Variants in PSMD9 observed in about 807,000 individuals in gnomAD.
The protein encoded by PSMD9 is 26S proteasome non-ATPase regulatory subunit 9.
Under a neutral mutation model 25.9 loss-of-function variants are expected in PSMD9, and 26 were observed. That is an observed-to-expected ratio of 1.00 (90% confidence interval 0.73 to 1.39). PSMD9 has a LOEUF of 1.39. PSMD9 is among the 40% of genes most tolerant of loss of function. The pLI, the probability that PSMD9 is intolerant of heterozygous loss-of-function variation, is 0.00. For missense variants in PSMD9, 303 were observed against 299.3 expected (o/e 1.01, Z -0.09); for synonymous variants, 110 against 114.5 (o/e 0.96, Z 0.25).
rs1565891992 is a variant in PSMD9 at position 121,899,671 on chromosome 12, G to A, written c.279G>A (p.Val93=). 6.2e-7 allele frequency: 1 copy of A among 1,612,760 alleles called. No homozygotes were observed. The highest frequency in any genetic ancestry group is 8.5e-7 in the Non-Finnish European group (1 of 1,179,530). ...ATCACAAGGCAGTGATGAAGCAGGTGGAGGAGGCCCTGCACCAGCTGCACG... is the reference window on the plus strand; with the variant it reads ...ATCACAAGGCAGTGATGAAGCAGGTAGAGGAGGCCCTGCACCAGCTGCACG... ...QNDHKAVMKQ[V]EEALHQLHAR... is the part of the protein sequence containing the mutation. Residue 93 remains valine, a synonymous_variant, in exon 3 of 6, where the codon GTG becomes GTA. Coordinates refer to ENST00000541212, the MANE Select transcript of PSMD9 (RefSeq NM_002813.7).
At chr12:121,912,915 C>G (rs1879771499) in intron 4 of PSMD9, among the ~76,000 whole-genome samples, 1 of 149,232 alleles carries the variant, frequency 6.7e-6, no homozygotes, top group African/African-American at 2.4e-5. Flanking sequence ...CTATTCAAGT[C>G]CTTTGCTCAT....
chr12:121,916,376 C>T lies in PSMD9; in HGVS notation c.*65C>T, dbSNP rs557187231. 6.4e-7 allele frequency: 1 copy of T among 1,567,632 alleles called. No individual in the cohort carries two copies. The highest frequency in any genetic ancestry group is 1.4e-5 in the African/African-American group (1 of 73,990). The stretch of plus-strand genomic sequence containing the variant: ...GCCCTGGACTTGGGTCTAGGGATTT[C>T]CAACTTGTCTTCTCTCCCTGAAGCA... On this transcript the variant is annotated 3_prime_UTR_variant, in exon 6 of 6. Transcript: ENST00000541212.
chr12:121,903,644 C>T (rs1018433978), intron 4 of PSMD9, among the ~76,000 whole-genome samples: 1 of 152,032 alleles, frequency 6.6e-6, no homozygotes, highest in Non-Finnish European at 1.5e-5. Context: ...TTCTGTTTTA[C>T]ACTGGTGACA....
intron 1 of PSMD9, among the ~76,000 whole-genome samples, chr12:121,890,807 G>A (rs906061158): frequency 1.4e-4 from 21 of 151,924 alleles, no homozygotes; most frequent in Admixed American, 2.0e-4. Flanking sequence ...TCAAAACTCC[G>A]CTGCATATGG....
At chr12:121,909,335 A>G (rs2135729792) in intron 4 of PSMD9, among the ~76,000 whole-genome samples, 1 of 148,606 alleles carries the variant, frequency 6.7e-6, no homozygotes, top group African/African-American at 2.5e-5. Context: ...TTTTTAGGAC[A>G]GGGTCTCTCG....
Position 121,916,320 on chromosome 12 carries a change from G to A in PSMD9, c.*9G>A. 6.2e-7 allele frequency: 1 copy of A among 1,613,812 alleles called. No homozygotes were observed. Among genetic ancestry groups the A allele is most frequent in the Non-Finnish European group, 8.5e-7 (1 of 1,179,692 alleles). On this transcript the variant is annotated 3_prime_UTR_variant, in exon 6 of 6. Coordinates refer to ENST00000541212, the MANE Select transcript of PSMD9 (RefSeq NM_002813.7). Reference sequence around the variant, plus strand: ...TTCCTCTGCAAAGATGATTGTCCCTGGGGAACAGTAACAGGAAAGCATCTT... The same window carrying A: ...TTCCTCTGCAAAGATGATTGTCCCTAGGGAACAGTAACAGGAAAGCATCTT...
Position 121,899,493 on chromosome 12 carries a change from G to C in PSMD9, c.242-141G>C, listed in dbSNP as rs1720069. 9,737 of 741,122 alleles carry C rather than the reference G, an allele frequency of 0.013. 634 individuals carry two copies. The African/African-American group carries it at 0.15, about 11-fold the overall frequency. The allele number at this position is 741,122 out of a possible 1,614,324, so 45.9% of individuals were successfully genotyped here. ...AATGCTCCATGAGGGAATGTCCTCT[G>C]TCTTGGTCAGAGACTCCTTCTCACC... On this transcript the variant is annotated intron_variant, in intron 2 of 5. Transcript: ENST00000541212.
chr12:121,916,392 C>T lies in PSMD9; in HGVS notation c.*81C>T. 1 of 1,523,692 alleles carries T rather than the reference C, an allele frequency of 6.6e-7. No individual in the cohort carries two copies. The allele number at this position is 1,523,692 out of a possible 1,614,324, so 94.4% of individuals were successfully genotyped here. A position where few individuals can be genotyped will look rare whatever the true frequency, so the allele number is the denominator to read the frequency against. On this transcript the variant is annotated 3_prime_UTR_variant, in exon 6 of 6. Transcript: ENST00000541212. ...TAGGGATTTCCAACTTGTCTTCTCT[C>T]CCTGAAGCATAAGGATCTGGAAGAG...
chr12:121,888,899 G>C lies in PSMD9; in HGVS notation c.43G>C (p.Ala15Pro). Reference protein sequence around the residue: ...EARQSGGSSQAGVVTVSDVQE... With the variant: ...EARQSGGSSQPGVVTVSDVQE... ...GAGGCAGAGCGGAGGCTCCTCGCAGGCCGGCGTCGTGACTGTCAGCGACGT... is the reference window on the plus strand; with the variant it reads ...GAGGCAGAGCGGAGGCTCCTCGCAGCCCGGCGTCGTGACTGTCAGCGACGT... The change falls in exon 1 of 6, where the codon GCC becomes CCC. Residue 15 changes from alanine to proline, a missense_variant. Coordinates refer to ENST00000541212, the MANE Select transcript of PSMD9 (RefSeq NM_002813.7). 1.2e-6 allele frequency: 2 copies of C among 1,600,664 alleles called. No homozygotes were observed. The highest frequency in any genetic ancestry group is 1.7e-4 in the Middle Eastern group (1 of 5,870).
At chr12:121,908,019 A>G (rs1226938682) in intron 4 of PSMD9, 2 of 152,216 alleles carry the variant, frequency 1.3e-5, no homozygotes, top group Non-Finnish European at 2.9e-5. Context: ...CCTGGATGAC[A>G]GAGTGAAACC....
At chr12:121,912,904 T>C (rs1324251986) in intron 4 of PSMD9, among the ~76,000 whole-genome samples, 3 of 146,108 alleles carry the variant, frequency 2.1e-5, no homozygotes, top group African/African-American at 7.5e-5. Context: ...AAAAGAAAGG[T>C]CTATTCAAGT....
Position 121,899,642 on chromosome 12 carries a change from A to G in PSMD9, c.250A>G (p.Asn84Asp). 4 of 1,606,628 alleles carry G rather than the reference A, an allele frequency of 2.5e-6. No homozygotes were observed. In the African/African-American group the frequency reaches 5.3e-5, roughly 21 times the overall value. The part of the protein sequence containing the change: ...TARHNIICLQ[N>D]DHKAVMKQVE... ...TGTGGTTCTCATCCCAGGCCTGCAG[A>G]ATGATCACAAGGCAGTGATGAAGCA... is the stretch of plus-strand genomic sequence containing the variant. Residue 84 changes from asparagine to aspartate, a missense_variant, in exon 3 of 6, where the codon AAT becomes GAT. Coordinates refer to ENST00000541212, the MANE Select transcript of PSMD9 (RefSeq NM_002813.7).
chr12:121,908,615 T>C (rs541445200), intron 4 of PSMD9, among the ~76,000 whole-genome samples: 7 of 152,212 alleles, frequency 4.6e-5, no homozygotes, highest in African/African-American at 1.4e-4. Flanking sequence ...GGGAGCACTT[T>C]GGTGGGGGAG....
At chr12:121,899,978 C>A in intron 3 of PSMD9, 133 bp downstream of exon 3, 1 of 1,049,124 alleles carries the variant, frequency 9.5e-7, no homozygotes, top group Non-Finnish European at 1.4e-6. Flanking sequence ...TTAACAAACA[C>A]TGACTGAGGC....
chr12:121,912,417 C>T (rs1182717761), intron 4 of PSMD9, among the ~76,000 whole-genome samples: 2 of 152,158 alleles, frequency 1.3e-5, no homozygotes, highest in African/African-American at 4.8e-5. Flanking sequence ...CACAGGGCTC[C>T]ATTTTCCCCG....
chr12:121,903,022 A>G lies in PSMD9; in HGVS notation c.470A>G (p.Asp157Gly), dbSNP rs767418780. Reference sequence around the variant, plus strand: ...CCTCTCCAGGGTCTGCAAGTGGATGATGAGATTGTGGAGTTCGGCTCTGTG... The same window carrying G: ...CCTCTCCAGGGTCTGCAAGTGGATGGTGAGATTGTGGAGTTCGGCTCTGTG... The part of the protein sequence containing the change: ...PASIAGLQVD[D>G]EIVEFGSVNT... The change falls in exon 4 of 6, where the codon GAT becomes GGT. Residue 157 changes from aspartate to glycine, a missense_variant. Coordinates refer to ENST00000541212, the MANE Select transcript of PSMD9 (RefSeq NM_002813.7). 9 of 1,613,836 alleles carry G rather than the reference A, an allele frequency of 5.6e-6. No individual in the cohort carries two copies. The highest frequency in any genetic ancestry group is 2.2e-5 in the South Asian group (2 of 91,080).
rs575283132 is a variant in PSMD9, at chr12:121,917,065, T to C, written c.*754T>C. On this transcript the variant is annotated 3_prime_UTR_variant, in exon 6 of 6. Coordinates refer to ENST00000541212, the MANE Select transcript of PSMD9 (RefSeq NM_002813.7). ...TCACCCAGGCTGGAGTGCAGTGTCG[T>C]GATCAAGGTTCACTGAAGCCTTGAC... 1 of 152,530 alleles carries C rather than the reference T, an allele frequency of 6.6e-6. No individual in the cohort carries two copies. The highest frequency in any genetic ancestry group is 2.1e-4 in the South Asian group (1 of 4,832). 9.4% of individuals were successfully genotyped at this position (152,530 alleles called of 1,614,324 possible). A position where few individuals can be genotyped will look rare whatever the true frequency, so the allele number is the denominator to read the frequency against.
chr12:121,900,921 G>C (rs377303349), intron 3 of PSMD9, among the ~76,000 whole-genome samples: 177 of 150,712 alleles, frequency 1.2e-3, no homozygotes, highest in African/African-American at 4.1e-3. Context: ...GGAGGTGGAG[G>C]TTGCAGTGAG....
rs1144030 is a variant in PSMD9 at position 121,894,588 on chromosome 12, C to A, written c.139-151C>A. On this transcript the variant is annotated intron_variant, in intron 1 of 5. Transcript: ENST00000541212. ...GCCCACCCCAGGGTAGTTGTGAGGG[C>A]ATGAGTAGAGCCCCTGGTGTAAGTG... is the stretch of plus-strand genomic sequence containing the variant. The A allele has an allele frequency of 6.1e-6, 4 of 658,242 alleles. No homozygotes were observed. The East Asian group carries it at 1.1e-4, about 18-fold the overall frequency. The allele number at this position is 658,242 out of a possible 1,614,324, so 40.8% of individuals were successfully genotyped here.
Sources: allele counts gnomAD v4.1 joint callset (sites outside exome capture counted in the v4.1 genomes callset), GRCh38; gene constraint gnomAD v4.1.1; transcripts MANE v1.5; gene names NCBI Gene and HGNC (gene_info 2026-07-23, HGNC 2026-07-21).